The following PDE4B variants were observed in gnomAD, a reference collection of about 807,000 sequenced individuals.
PDE4B encodes phosphodiesterase 4B, also known as 3',5'-cyclic-AMP phosphodiesterase 4B.
A neutral mutation model predicts 82.2 loss-of-function variants in PDE4B; 20 were observed. The ratio of observed to expected loss-of-function variants is 0.24; its 90% CI spans 0.17 to 0.35. The LOEUF is 0.35. Ranked by LOEUF, PDE4B falls within the 10% of genes least tolerant of loss-of-function variation. The pLI, the probability that PDE4B is intolerant of heterozygous loss-of-function variation, is 1.00. For missense variants in PDE4B, 655 were observed against 907.2 expected (o/e 0.72, Z 3.57); for synonymous variants, 320 against 318.9 (o/e 1.00, Z -0.04).
chr1:66,060,563 A>G (rs1247081933), intron 3 of PDE4B, among the ~76,000 whole-genome samples: 4 of 152,216 alleles, frequency 2.6e-5, no homozygotes, highest in African/African-American at 7.2e-5. Flanking sequence ...AAAATATATC[A>G]TAACACACTT....
At position 66,367,852 on chromosome 1, in the gene PDE4B, T is replaced by C. The variant is rs959057956; in HGVS notation, c.1539+2T>C. 4 of 1,613,422 alleles carry C rather than the reference T, an allele frequency of 2.5e-6. No homozygotes were observed. In the Admixed American group the frequency reaches 5.0e-5, roughly 20 times the overall value. ...CTCAGGAAGATGGTTATTGACATGG[T>C]AAGACTTTAGCCTCTCTACATTCCT... is the stretch of plus-strand genomic sequence containing the variant. On this transcript the variant is annotated splice_donor_variant, in intron 14 of 16. Coordinates refer to ENST00000341517, the MANE Select transcript of PDE4B (RefSeq NM_002600.4). LOFTEE classifies it high-confidence loss of function.
intron 3 of PDE4B, among the ~76,000 whole-genome samples, chr1:65,959,074 C>T (rs1026575802): frequency 1.2e-4 from 18 of 152,168 alleles, no homozygotes; most frequent in African/African-American, 4.3e-4. Context: ...TGTAGGCTAA[C>T]ACCGCTGTGC....
intron 1 of PDE4B, among the ~76,000 whole-genome samples, chr1:65,817,443 A>T (rs911195071): frequency 6.6e-6 from 1 of 152,206 alleles, no homozygotes; most frequent in Non-Finnish European, 1.5e-5. Flanking sequence ...TTACATGTAC[A>T]TGTCAGTACA....
At chr1:65,917,378 A>G (rs1350876656) in intron 2 of PDE4B, among the ~76,000 whole-genome samples, 1 of 152,204 alleles carries the variant, frequency 6.6e-6, no homozygotes, top group African/African-American at 2.4e-5. Context: ...CTTTAGTGTC[A>G]CAGAGTAATT....
At chr1:65,939,211 G>A (rs1363931055) in intron 3 of PDE4B, among the ~76,000 whole-genome samples, 3 of 152,096 alleles carry the variant, frequency 2.0e-5, no homozygotes, top group Non-Finnish European at 4.4e-5. Context: ...CTCCACAGAT[G>A]CAGCTGAACA....
chr1:65,895,009 G>A (rs533846517), intron 1 of PDE4B, among the ~76,000 whole-genome samples: 1 of 152,252 alleles, frequency 6.6e-6, no homozygotes, highest in South Asian at 2.1e-4. Flanking sequence ...TTTACCAAAT[G>A]ACTCAGAAAT....
At chr1:66,322,280 C>G (rs138852065) in intron 7 of PDE4B, among the ~76,000 whole-genome samples, 1,846 of 152,130 alleles carry the variant, frequency 0.012, 36 homozygotes, top group African/African-American at 0.042. Flanking sequence ...ACTAAAACAC[C>G]AAAAGCAATG....
chr1:66,228,023 C>A (rs1651596713), intron 3 of PDE4B, among the ~76,000 whole-genome samples: 1 of 152,104 alleles, frequency 6.6e-6, no homozygotes, highest in Non-Finnish European at 1.5e-5. Context: ...TGCTACTCAC[C>A]CCCTCACTCA....
intron 6 of PDE4B, among the ~76,000 whole-genome samples, chr1:66,262,112 G>C (rs1220454411): frequency 1.3e-5 from 2 of 152,200 alleles, no homozygotes; most frequent in African/African-American, 4.8e-5. Flanking sequence ...CTTCAGGAAA[G>C]AACTAATAAC....
intron 1 of PDE4B, among the ~76,000 whole-genome samples, chr1:65,869,625 C>T (rs891389884): frequency 6.6e-6 from 1 of 151,590 alleles, no homozygotes; most frequent in Non-Finnish European, 1.5e-5. Context: ...GGTTAGAATT[C>T]CACTCTGTTT....
intron 4 of PDE4B, among the ~76,000 whole-genome samples, chr1:66,254,669 C>A (rs1424586729): frequency 6.6e-6 from 1 of 152,148 alleles, no homozygotes; most frequent in Non-Finnish European, 1.5e-5. Flanking sequence ...AGGGGAAACT[C>A]CTCATTTCCT....
At chr1:65,821,163 G>T (rs1393891303) in intron 1 of PDE4B, among the ~76,000 whole-genome samples, 1 of 152,220 alleles carries the variant, frequency 6.6e-6, no homozygotes, top group Non-Finnish European at 1.5e-5. Flanking sequence ...CCACAGCTTG[G>T]TCAGGCACAG....
intron 3 of PDE4B, among the ~76,000 whole-genome samples, chr1:66,156,441 C>A (rs574127596): frequency 1.1e-4 from 16 of 152,212 alleles, no homozygotes; most frequent in African/African-American, 2.4e-4. Flanking sequence ...AAATCAAACA[C>A]CTGACACTTG....
At chr1:65,958,543 T>C (rs1649372619) in intron 3 of PDE4B, among the ~76,000 whole-genome samples, 1 of 152,112 alleles carries the variant, frequency 6.6e-6, no homozygotes, top group African/African-American at 2.4e-5. Flanking sequence ...AATTTATAAA[T>C]AATGTGGTAG....
intron 3 of PDE4B, among the ~76,000 whole-genome samples, chr1:66,117,094 A>G (rs1485522245): frequency 6.6e-6 from 1 of 152,172 alleles, no homozygotes; most frequent in Non-Finnish European, 1.5e-5. Flanking sequence ...TAATGAGGAG[A>G]AGGAGACAAT....
rs1346647741 is a variant in PDE4B at position 66,202,758 on chromosome 1, G to T, written c.282-44702G>T. The stretch of plus-strand genomic sequence containing the variant: ...ACGTGTGTCTCGGCACGTGAGATGG[G>T]TTTCCTGAATACAGCACACTGATGG... On this transcript the variant is annotated intron_variant, in intron 3 of 16. Transcript: ENST00000341517. 2.6e-5 allele frequency among the ~76,000 whole-genome samples: 4 copies of T among 152,032 alleles called. No individual in the cohort carries two copies. In the East Asian group the frequency reaches 5.8e-4, roughly 22 times the overall value.
At chr1:65,933,036 C>G (rs1647924110) in intron 3 of PDE4B, among the ~76,000 whole-genome samples, 1 of 152,034 alleles carries the variant, frequency 6.6e-6, no homozygotes, top group Non-Finnish European at 1.5e-5. Flanking sequence ...AAAACATATT[C>G]AAAGAAATAA....
intron 3 of PDE4B, among the ~76,000 whole-genome samples, chr1:65,994,086 G>A (rs1651398443): frequency 6.6e-6 from 1 of 152,096 alleles, no homozygotes; most frequent in Non-Finnish European, 1.5e-5. Context: ...AATATAGGGA[G>A]CATGTACATT....
At chr1:66,121,537 G>A (rs1190649487) in intron 3 of PDE4B, among the ~76,000 whole-genome samples, 2 of 152,196 alleles carry the variant, frequency 1.3e-5, no homozygotes, top group Admixed American at 6.5e-5. Context: ...CTTTGTCCGT[G>A]AGTAAGAACT....
Sources: gnomAD v4.1 joint callset for allele counts (sites outside exome capture counted in the v4.1 genomes callset) on GRCh38, gnomAD v4.1.1 for gene constraint, MANE v1.5 for transcripts, NCBI Gene and HGNC (gene_info 2026-07-23, HGNC 2026-07-21) for gene names.